ZNF37A: variants seen among roughly 807,000 people sequenced by gnomAD.
The protein encoded by ZNF37A is zinc finger protein 37a (KOX 21).
A neutral mutation model predicts 12.3 loss-of-function variants in ZNF37A; 10 were observed. The ratio of observed to expected loss-of-function variants is 0.82; its 90% confidence interval spans 0.50 to 1.38. ZNF37A has a LOEUF of 1.38. ZNF37A is among the 40% of genes most tolerant of loss of function. ZNF37A has a pLI of 0.00. For missense variants in ZNF37A, 580 were observed against 651.2 expected, an observed-to-expected ratio of 0.89 and a Z score of 1.19; for synonymous variants, 207 against 223.0, an observed-to-expected ratio of 0.93 and a Z score of 0.64.
chr10:38,096,576 A>C lies in ZNF37A; in HGVS notation c.-42A>C. On this transcript the variant is annotated splice_region_variant and 5_prime_UTR_variant, in exon 5 of 8. Coordinates refer to ENST00000685332, the MANE Select transcript of ZNF37A (RefSeq NM_001324250.3). ...CATGATCTTTTCTTATTTCTCAGCTACACCCTCACAGTTTGCTCTGCTCTT... is the reference window on the plus strand; with the variant it reads ...CATGATCTTTTCTTATTTCTCAGCTCCACCCTCACAGTTTGCTCTGCTCTT... 6.2e-7 allele frequency: 1 copy of C among 1,603,828 alleles called. No homozygotes were observed.
intron 5 of ZNF37A, among the ~76,000 whole-genome samples, chr10:38,099,388 A>G (rs1176104692): frequency 4.6e-5 from 7 of 152,128 alleles, no homozygotes; most frequent in Non-Finnish European, 2.9e-5. Flanking sequence ...TATTTGTCTT[A>G]TTGTAACAGT....
chr10:38,100,420 C>T (rs564981954), intron 5 of ZNF37A, among the ~76,000 whole-genome samples: 1 of 152,274 alleles, frequency 6.6e-6, no homozygotes, highest in South Asian at 2.1e-4. Flanking sequence ...ACCCCTACAG[C>T]CTACAGACCA....
intron 7 of ZNF37A, 64 bp downstream of exon 7, chr10:38,115,354 A>T: frequency 6.4e-7 from 1 of 1,560,852 alleles, no homozygotes; most frequent in South Asian, 1.2e-5. Context: ...AGTTTGGATA[A>T]TAAGACCATT....
chr10:38,144,821 G>C (rs991859805), intron 7 of ZNF37A, among the ~76,000 whole-genome samples: 5 of 152,134 alleles, frequency 3.3e-5, no homozygotes, highest in Admixed American at 3.3e-4. Flanking sequence ...CCACCCCCAT[G>C]GTTTAAACTA....
intron 7 of ZNF37A, among the ~76,000 whole-genome samples, chr10:38,132,945 T>C (rs115682517): frequency 6.6e-6 from 1 of 152,292 alleles, no homozygotes; most frequent in African/African-American, 2.4e-5. Flanking sequence ...TCATATATTT[T>C]GAGGGTTTGT....
exon 8 of ZNF37A, chr10:38,146,829 A>C: frequency 2.5e-6 from 1 of 396,660 alleles, no homozygotes. Context: ...AGAGGAATGA[A>C]GACAAAGACA....
At chr10:38,115,409 G>C (rs2069191591) in intron 7 of ZNF37A, 119 bp downstream of exon 7, 20 of 1,415,818 alleles carry the variant, frequency 1.4e-5, no homozygotes, top group East Asian at 2.6e-5. Context: ...CAGACCTTTG[G>C]AAGTAACATG....
At chr10:38,097,786 A>G (rs1365145486) in intron 5 of ZNF37A, among the ~76,000 whole-genome samples, 1 of 152,012 alleles carries the variant, frequency 6.6e-6, no homozygotes, top group Non-Finnish European at 1.5e-5. Flanking sequence ...AAAAAAAATT[A>G]TGGTAAAATA....
chr10:38,119,502 T>C lies in ZNF37A; in HGVS notation c.*665T>C. 1 of 697,018 alleles carries C rather than the reference T, an allele frequency of 1.4e-6. No homozygotes were observed. Among genetic ancestry groups the C allele is most frequent in the South Asian group, 6.4e-5 (1 of 15,550 alleles). 43.2% of individuals were successfully genotyped at this position (697,018 alleles called of 1,614,324 possible). A position where few individuals can be genotyped will look rare whatever the true frequency, so the allele number is the denominator to read the frequency against. ...AACTGTATCCAATGTGTGGATGTTT[T>C]AAGTTAAAATCTAAATTTAATATAG... is the stretch of plus-strand genomic sequence containing the variant. On this transcript the variant is annotated 3_prime_UTR_variant, in exon 8 of 8. Transcript: ENST00000685332.
downstream of ZNF37A, among the ~76,000 whole-genome samples, chr10:38,128,779 A>G (rs1185280448): frequency 6.6e-6 from 1 of 152,076 alleles, no homozygotes; most frequent in Admixed American, 6.6e-5. Flanking sequence ...TTTGAGACAG[A>G]GTCTAGCTTT....
chr10:38,102,495 C>G (rs559113192), intron 5 of ZNF37A, among the ~76,000 whole-genome samples: 25 of 152,120 alleles, frequency 1.6e-4, no homozygotes, highest in African/African-American at 6.0e-4. Flanking sequence ...ACATATTAGG[C>G]CTTCATAAAT....
At chr10:38,135,164 A>T (rs1165256068) in intron 7 of ZNF37A, among the ~76,000 whole-genome samples, 1 of 152,206 alleles carries the variant, frequency 6.6e-6, no homozygotes, top group Non-Finnish European at 1.5e-5. Flanking sequence ...AGGCAGGTGG[A>T]TCATGAGATC....
chr10:38,118,342 C>A lies in ZNF37A; in HGVS notation c.1191C>A (p.Asp397Glu), dbSNP rs1326571311. The A allele has an allele frequency of 3.1e-6, 5 of 1,612,050 alleles. No individual in the cohort carries two copies. Among genetic ancestry groups the A allele is most frequent in the Non-Finnish European group, 4.2e-6 (5 of 1,179,472 alleles). The change falls in exon 8 of 8, where the codon GAC (aspartate) becomes GAA (glutamate). Residue 397 changes from aspartate (D) to glutamate (E), a missense_variant. By Grantham distance (45) the Asp-to-Glu change is conservative. Transcript: ENST00000685332. Reference sequence around the variant, plus strand: ...GGAAAGCCTTTCTCAGAAAATCAGACCTCATTAAACATCAAAGAATACACA... The same window carrying A: ...GGAAAGCCTTTCTCAGAAAATCAGAACTCATTAAACATCAAAGAATACACA... ...ACGKAFLRKS[D>E]LIKHQRIHTG...
intron 7 of ZNF37A, chr10:38,143,174 C>CTGCA (rs138553718): frequency 4.9e-4 from 75 of 152,332 alleles, no homozygotes; most frequent in African/African-American, 1.7e-3. Flanking sequence ...GGCAGGGGTT[C>CTGCA]TGCACTTGAC....
chr10:38,120,577 C>T lies in ZNF37A; in HGVS notation c.*1740C>T, dbSNP rs547003413. ...GCAAAGAGGACTAAAGGGCAAAATT[C>T]TAGAGAGTGGTAAATCTCAGAAAGC... On this transcript the variant is annotated 3_prime_UTR_variant, in exon 8 of 8. Coordinates refer to ENST00000685332, the MANE Select transcript of ZNF37A (RefSeq NM_001324250.3). 6.6e-6 allele frequency: 1 copy of T among 152,198 alleles called. No homozygotes were observed. The highest frequency in any genetic ancestry group is 6.6e-5 in the Admixed American group (1 of 15,262). The allele number at this position is 152,198 out of a possible 1,614,324, so 9.4% of individuals were successfully genotyped here.
At position 38,135,929 on chromosome 10, in the gene ZNF37A, C is replaced by G. The variant is rs567017340; in HGVS notation, c.239-10803C>G. ...ATTCAAGATGAGATTTGGGTGGAGA[C>G]ACAGCCAAACCATATCAGAGGCTTC... On this transcript the variant is annotated intron_variant, in intron 7 of 7. Coordinates refer to the ZNF37A transcript ENST00000638053. Among the ~76,000 whole-genome samples, 3 of 152,270 alleles carry G rather than the reference C, an allele frequency of 2.0e-5. No homozygotes were observed. The South Asian group carries it at 6.2e-4, about 32-fold the overall frequency.
In ZNF37A at chr10:38,111,053, G is replaced by C. The variant is rs1243271348; in HGVS notation, c.16-3702G>C. On this transcript the variant is annotated intron_variant, in intron 5 of 7. Coordinates refer to ENST00000685332, the MANE Select transcript of ZNF37A (RefSeq NM_001324250.3). Reference sequence around the variant, plus strand: ...CATACATACGTTTTTTTGTGGCACTGTTCACAATAGCAAAGACTTGGAACC... The same window carrying C: ...CATACATACGTTTTTTTGTGGCACTCTTCACAATAGCAAAGACTTGGAACC... 2.0e-5 allele frequency among the ~76,000 whole-genome samples: 3 copies of C among 152,070 alleles called. No homozygotes were observed. In the South Asian group the frequency reaches 6.2e-4, roughly 31 times the overall value.
intron 5 of ZNF37A, among the ~76,000 whole-genome samples, chr10:38,098,580 C>A (rs1199773183): frequency 6.6e-6 from 1 of 151,832 alleles, no homozygotes; most frequent in African/African-American, 2.4e-5. Flanking sequence ...ATTTTTTTCC[C>A]CTAGGTCTTC....
chr10:38,115,331 A>C, intron 7 of ZNF37A, 41 bp downstream of exon 7: 1 of 1,599,152 alleles, frequency 6.3e-7, no homozygotes, highest in African/African-American at 1.3e-5. Context: ...AGGAAGGTAG[A>C]TCACAAAGGG....
Sources: gnomAD v4.1 joint callset for allele counts (sites outside exome capture counted in the v4.1 genomes callset) on GRCh38, gnomAD v4.1.1 for gene constraint, MANE v1.5 for transcripts, NCBI Gene and HGNC (gene_info 2026-07-23, HGNC 2026-07-21) for gene names.